The following CTNNA2 variants were observed in gnomAD, a reference collection of about 807,000 sequenced individuals.
The protein encoded by CTNNA2 is catenin alpha-2.
In CTNNA2, 42 loss-of-function variants were observed where a neutral mutation model predicts 101.0. The ratio of observed to expected loss-of-function variants is 0.42; its 90% CI spans 0.32 to 0.54. The LOEUF (loss-of-function observed/expected upper bound fraction) is 0.54, where lower values mean the gene tolerates loss of function less well. Ranked by LOEUF, CTNNA2 falls within the 20% of genes least tolerant of loss-of-function variation. CTNNA2 has a pLI of 0.14. For synonymous variants in CTNNA2, 450 were observed against 456.4 expected (o/e 0.99, Z 0.18); for missense variants, 871 against 1,223.1 (o/e 0.71, Z 4.29).
rs191618775 is a variant in CTNNA2 at position 79,202,433 on chromosome 2, C to T, written c.-406+4357C>T. On this transcript the variant is annotated intron_variant, in intron 2 of 21. Coordinates refer to the CTNNA2 transcript ENST00000466387. ...TCACAGCTCACTGCAGCCTTGGATT[C>T]TTGAGTTCAAGTGATCCTTCCACCT... Among the ~76,000 whole-genome samples, 146 of 151,976 alleles carry T rather than the reference C, an allele frequency of 9.6e-4. 1 individual carries two copies. The highest frequency in any genetic ancestry group is 3.4e-3 in the Middle Eastern group (1 of 294).
Position 80,258,332 on chromosome 2 carries a change from G to C in CTNNA2, c.1057-134879G>C, listed in dbSNP as rs138074724. On this transcript the variant is annotated intron_variant, in intron 7 of 18. Transcript: ENST00000402739. Reference sequence around the variant, plus strand: ...TTTTGCACTTAGGAAGCTTGCAGCTGTTCCTAAATCAAAGTAAATTTGTTA... The same window carrying C: ...TTTTGCACTTAGGAAGCTTGCAGCTCTTCCTAAATCAAAGTAAATTTGTTA... Among the ~76,000 whole-genome samples the C allele has an allele frequency of 4.5e-3, 689 of 152,276 alleles. 3 individuals carry two copies. Among genetic ancestry groups the C allele is most frequent in the Middle Eastern group, 0.02 (6 of 294 alleles).
chr2:79,624,954 GCT>G (rs1285057013), intron 1 of CTNNA2, among the ~76,000 whole-genome samples: 1 of 152,006 alleles, frequency 6.6e-6, no homozygotes, highest in Non-Finnish European at 1.5e-5. Context: ...CATACTTTTT[GCT>G]CTTAGTGGCA....
intron 4 of CTNNA2, among the ~76,000 whole-genome samples, chr2:79,470,384 T>C (rs114714636): frequency 7.2e-5 from 11 of 152,008 alleles, no homozygotes; most frequent in African/African-American, 2.7e-4. Flanking sequence ...AAACTGTAAA[T>C]CCAAAGTAGC....
At chr2:79,602,101 C>T (rs1437937579) in intron 1 of CTNNA2, among the ~76,000 whole-genome samples, 1 of 152,110 alleles carries the variant, frequency 6.6e-6, no homozygotes, top group African/African-American at 2.4e-5. Flanking sequence ...ACCACTTTTG[C>T]ACCGTCTTAA....
chr2:80,108,789 C>T (rs1292199878), intron 7 of CTNNA2, among the ~76,000 whole-genome samples: 2 of 152,344 alleles, frequency 1.3e-5, no homozygotes, highest in African/African-American at 4.8e-5. Context: ...AAACCCTACA[C>T]TTGTCTACTC....
chr2:80,292,873 G>A (rs1393579869), intron 7 of CTNNA2, among the ~76,000 whole-genome samples: 1 of 152,118 alleles, frequency 6.6e-6, no homozygotes, highest in Non-Finnish European at 1.5e-5. Context: ...TTATAATGTG[G>A]TTTCTCCTTT....
At chr2:80,148,649 C>T (rs1362061345) in intron 7 of CTNNA2, among the ~76,000 whole-genome samples, 1 of 152,196 alleles carries the variant, frequency 6.6e-6, no homozygotes, top group Non-Finnish European at 1.5e-5. Context: ...AAGCTCTTTG[C>T]TGAATTTCAG....
intron 1 of CTNNA2, among the ~76,000 whole-genome samples, chr2:79,531,901 C>T (rs1004933322): frequency 1.3e-5 from 2 of 151,988 alleles, no homozygotes; most frequent in East Asian, 1.9e-4. Context: ...AGGCTGGTCT[C>T]GAACTCCTGA....
intron 4 of CTNNA2, among the ~76,000 whole-genome samples, chr2:79,399,253 A>G (rs1037914818): frequency 1.3e-5 from 2 of 152,098 alleles, no homozygotes; most frequent in African/African-American, 4.8e-5. Flanking sequence ...TGAAATATCC[A>G]TAGGAAACTT....
chr2:79,984,189 G>A (rs1277938647), intron 7 of CTNNA2, among the ~76,000 whole-genome samples: 2 of 152,146 alleles, frequency 1.3e-5, no homozygotes, highest in Non-Finnish European at 2.9e-5. Context: ...TTTGTTAATT[G>A]CCACGGAATT....
intron 1 of CTNNA2, among the ~76,000 whole-genome samples, chr2:79,540,374 G>C (rs1673332930): frequency 6.6e-6 from 1 of 152,156 alleles, no homozygotes; most frequent in Non-Finnish European, 1.5e-5. Flanking sequence ...TCAATGATTG[G>C]ATATTTGCAG....
At position 79,576,756 on chromosome 2, in the gene CTNNA2, A is replaced by T. The variant is rs1446173694; in HGVS notation, c.-6+63549A>T. Among the ~76,000 whole-genome samples the T allele has an allele frequency of 5.3e-5, 8 of 152,286 alleles. No individual in the cohort carries two copies. The East Asian group carries it at 1.5e-3, about 29-fold the overall frequency. ...TAGAACAATTGTTTCTTGAGTTTAA[A>T]TAAAAAGTCTTATGCATTTACAATG... On this transcript the variant is annotated intron_variant, in intron 1 of 18. Coordinates refer to ENST00000402739, the MANE Select transcript of CTNNA2 (RefSeq NM_001282597.3).
intron 4 of CTNNA2, chr2:79,498,885 T>C (rs545579311): frequency 1.8e-4 from 28 of 152,308 alleles, no homozygotes; most frequent in African/African-American, 6.3e-4. Context: ...AATTTGCTTT[T>C]CCGAGCAGAG....
At chr2:80,218,909 C>G (rs568291175) in intron 7 of CTNNA2, among the ~76,000 whole-genome samples, 12 of 152,230 alleles carry the variant, frequency 7.9e-5, no homozygotes, top group African/African-American at 2.9e-4. Context: ...AATATTTAAT[C>G]GTATCATTTA....
intron 7 of CTNNA2, among the ~76,000 whole-genome samples, chr2:80,046,218 C>G (rs1250361954): frequency 6.6e-5 from 10 of 152,262 alleles, no homozygotes; most frequent in Admixed American, 6.5e-4. Context: ...GAGAAGTGTG[C>G]CATGCCTCTC....
intron 7 of CTNNA2, among the ~76,000 whole-genome samples, chr2:80,042,500 G>A (rs1696132897): frequency 6.6e-6 from 1 of 152,110 alleles, no homozygotes; most frequent in Non-Finnish European, 1.5e-5. Context: ...AGCCTTCCTG[G>A]CATCTTTTAT....
At chr2:80,471,606 A>AC (rs1484095328) in intron 9 of CTNNA2, among the ~76,000 whole-genome samples, 1 of 152,194 alleles carries the variant, frequency 6.6e-6, no homozygotes, top group Non-Finnish European at 1.5e-5. Context: ...ACAAAGGTTT[A>AC]CCTAATTTCC....
At chr2:79,451,941 CA>C (rs1670758015) in intron 4 of CTNNA2, among the ~76,000 whole-genome samples, 1 of 151,882 alleles carries the variant, frequency 6.6e-6, no homozygotes, top group Non-Finnish European at 1.5e-5. Flanking sequence ...CTCTGGTAGC[CA>C]GATGGCTTCA....
chr2:79,979,338 A>AT (rs2104603263), intron 7 of CTNNA2, among the ~76,000 whole-genome samples: 1 of 152,260 alleles, frequency 6.6e-6, no homozygotes, highest in East Asian at 1.9e-4. Flanking sequence ...AACTATGATC[A>AT]TGCCACTGTA....
Sources: allele counts gnomAD v4.1 joint callset (sites outside exome capture counted in the v4.1 genomes callset), GRCh38; gene constraint gnomAD v4.1.1; transcripts MANE v1.5; gene names NCBI Gene and HGNC (gene_info 2026-07-23, HGNC 2026-07-21).